Variants in IQGAP2 observed in about 807,000 individuals in gnomAD.
The protein encoded by IQGAP2 is ras GTPase-activating-like protein IQGAP2.
In IQGAP2, 173 loss-of-function variants were observed where a neutral mutation model predicts 201.3. The observed-to-expected ratio is 0.86, with a 90% CI of 0.76 to 0.98. The LOEUF (loss-of-function observed/expected upper bound fraction) is 0.98. IQGAP2 is among the 50% of genes least tolerant of loss of function. IQGAP2 has a pLI of 0.00. For synonymous variants in IQGAP2, 675 were observed against 673.9 expected (o/e 1.00, Z -0.03); for missense variants, 1,687 against 1,864.8 (o/e 0.90, Z 1.76).
intron 21 of IQGAP2, among the ~76,000 whole-genome samples, chr5:76,664,021 G>A (rs1032176476): frequency 6.6e-6 from 1 of 152,142 alleles, no homozygotes; most frequent in African/African-American, 2.4e-5. Flanking sequence ...AATCATTCAT[G>A]TGTTCACTGA....
chr5:76,479,182 C>T (rs1755626353), intron 2 of IQGAP2, among the ~76,000 whole-genome samples: 1 of 152,122 alleles, frequency 6.6e-6, no homozygotes, highest in Non-Finnish European at 1.5e-5. Flanking sequence ...GTAGCTTTCT[C>T]CATGTGTTGT....
chr5:76,534,701 C>A (rs1023936549), intron 2 of IQGAP2, among the ~76,000 whole-genome samples: 9 of 152,166 alleles, frequency 5.9e-5, no homozygotes, highest in African/African-American at 9.7e-5. Flanking sequence ...GCCTGATTAA[C>A]CTGATTTGAA....
Position 76,672,871 on chromosome 5 carries a change from C to G in IQGAP2, c.3069-578C>G, listed in dbSNP as rs899176182. 2.3e-5 allele frequency among the ~76,000 whole-genome samples: 3 copies of G among 132,628 alleles called. No individual in the cohort carries two copies. In the South Asian group the frequency reaches 6.9e-4, roughly 30 times the overall value. The allele number at this position is 132,628 out of a possible 152,430, so 87.0% of individuals were successfully genotyped here. A position where few individuals can be genotyped will look rare whatever the true frequency, so the allele number is the denominator to read the frequency against. Reference sequence around the variant, plus strand: ...TAGGTGGGAATTGAACACATGGACACAGGAAGGGGAACATCACACTCTGGG... The same window carrying G: ...TAGGTGGGAATTGAACACATGGACAGAGGAAGGGGAACATCACACTCTGGG... On this transcript the variant is annotated intron_variant, in intron 24 of 35. Coordinates refer to ENST00000274364, the MANE Select transcript of IQGAP2 (RefSeq NM_006633.5).
At chr5:76,577,676 C>T (rs1305759476) in intron 5 of IQGAP2, among the ~76,000 whole-genome samples, 1 of 152,192 alleles carries the variant, frequency 6.6e-6, no homozygotes, top group Admixed American at 6.5e-5. Flanking sequence ...TGCAGTCAGT[C>T]ACTCAAAGGA....
intron 11 of IQGAP2, among the ~76,000 whole-genome samples, chr5:76,605,080 A>G (rs1342270458): frequency 1.3e-5 from 2 of 152,246 alleles, no homozygotes; most frequent in Non-Finnish European, 2.9e-5. Context: ...CAAAGACATA[A>G]AAGCACACTA....
rs150312521 is a variant in IQGAP2, at chr5:76,618,121, C to T, written c.1521+6938C>T. On this transcript the variant is annotated intron_variant, in intron 13 of 35. Coordinates refer to ENST00000274364, the MANE Select transcript of IQGAP2 (RefSeq NM_006633.5). ...AGGCCCCGGTAGGTGAAAGGATGGA[C>T]GATGGCCAGGTAGCGGTTGATGCTG... 27 of 1,613,978 alleles carry T rather than the reference C, an allele frequency of 1.7e-5. No homozygotes were observed. The African/African-American group carries it at 2.3e-4, about 14-fold the overall frequency.
chr5:76,496,067 C>T (rs530092197), intron 2 of IQGAP2, among the ~76,000 whole-genome samples: 11 of 152,296 alleles, frequency 7.2e-5, no homozygotes, highest in Admixed American at 4.6e-4. Flanking sequence ...CAGCCCTCAG[C>T]GGAGGCATGG....
chr5:76,491,252 T>C (rs1227214973), intron 2 of IQGAP2, among the ~76,000 whole-genome samples: 2 of 152,182 alleles, frequency 1.3e-5, no homozygotes, highest in African/African-American at 4.8e-5. Flanking sequence ...GGGTGTGTTT[T>C]GTTTGCTAAA....
At chr5:76,688,656 T>C (rs1377756511) in intron 30 of IQGAP2, among the ~76,000 whole-genome samples, 1 of 152,062 alleles carries the variant, frequency 6.6e-6, no homozygotes, top group East Asian at 1.9e-4. Context: ...ATGCAAATGT[T>C]CCAAAATCTG....
rs190951549 is a variant in IQGAP2 at position 76,520,191 on chromosome 5, G to T, written c.147-42205G>T. Among the ~76,000 whole-genome samples the T allele has an allele frequency of 4.8e-4, 73 of 151,596 alleles. 2 individuals are homozygous for T. In the East Asian group the frequency reaches 0.013, roughly 27 times the overall value. On this transcript the variant is annotated intron_variant, in intron 2 of 35. Transcript: ENST00000274364. Reference sequence around the variant, plus strand: ...TTACATGTAGGTCTGTAACAATTTCGGGTTAATTTTTATATAAGATGTAAG... The same window carrying T: ...TTACATGTAGGTCTGTAACAATTTCTGGTTAATTTTTATATAAGATGTAAG...
intron 11 of IQGAP2, among the ~76,000 whole-genome samples, chr5:76,602,300 TC>T (rs1479918335): frequency 6.6e-6 from 1 of 152,166 alleles, no homozygotes; most frequent in Non-Finnish European, 1.5e-5. Flanking sequence ...ACCCGGTCAA[TC>T]CCTTATGAAG....
intron 2 of IQGAP2, among the ~76,000 whole-genome samples, chr5:76,499,807 C>T (rs1757176990): frequency 6.6e-6 from 1 of 152,044 alleles, no homozygotes; most frequent in Non-Finnish European, 1.5e-5. Flanking sequence ...TTGTTAATTT[C>T]CTTAAAAAAA....
chr5:76,485,253 T>A (rs1756046666), intron 2 of IQGAP2, among the ~76,000 whole-genome samples: 1 of 152,202 alleles, frequency 6.6e-6, no homozygotes, highest in Non-Finnish European at 1.5e-5. Context: ...TGACCATGCT[T>A]CTTCGGTAAG....
At chr5:76,459,918 C>T (rs566103709) in intron 1 of IQGAP2, among the ~76,000 whole-genome samples, 6 of 152,182 alleles carry the variant, frequency 3.9e-5, no homozygotes, top group African/African-American at 9.6e-5. Context: ...GGATTACAGG[C>T]GTGAGCCACC....
chr5:76,461,884 AC>A, intron 2 of IQGAP2, among the ~76,000 whole-genome samples: 1 of 151,894 alleles, frequency 6.6e-6, no homozygotes. Flanking sequence ...CTAGGGGATG[AC>A]CCCTCCACAC....
chr5:76,514,783 C>T lies in IQGAP2; in HGVS notation c.147-47613C>T, dbSNP rs115132422. 3.9e-3 allele frequency among the ~76,000 whole-genome samples: 589 copies of T among 152,244 alleles called. 3 individuals are homozygous for T. Among genetic ancestry groups the T allele is most frequent in the African/African-American group, 0.014 (562 of 41,554 alleles). On this transcript the variant is annotated intron_variant, in intron 2 of 35. Transcript: ENST00000274364. Reference sequence around the variant, plus strand: ...TCCCCCTCAGTTGGACTGTAGGTTACCTGATGGTTAAGACTAAGACTGTTT... The same window carrying T: ...TCCCCCTCAGTTGGACTGTAGGTTATCTGATGGTTAAGACTAAGACTGTTT...
At chr5:76,608,014 CATTG>C (rs1231203304) in intron 12 of IQGAP2, 2 of 152,198 alleles carry the variant, frequency 1.3e-5, no homozygotes, top group Non-Finnish European at 2.9e-5. Flanking sequence ...GTAGGGTTGA[CATTG>C]ATTAACAGGG....
chr5:76,642,550 T>C (rs1751672908), intron 17 of IQGAP2, among the ~76,000 whole-genome samples: 1 of 152,074 alleles, frequency 6.6e-6, no homozygotes, highest in Non-Finnish European at 1.5e-5. Context: ...AAGTGAATAA[T>C]ACAGTTAATA....
In IQGAP2 at chr5:76,643,587, G is replaced by A. The variant is rs186746964; in HGVS notation, c.2094+2484G>A. On this transcript the variant is annotated intron_variant, in intron 17 of 35. Transcript: ENST00000274364. ...ATCCAATATTGATATTGTTGGTGTG[G>A]CACAGGAAAACATCAGAAAAAAATG... Among the ~76,000 whole-genome samples the A allele has an allele frequency of 1.6e-4, 24 of 152,214 alleles. No homozygotes were observed. The East Asian group carries it at 4.0e-3, about 26-fold the overall frequency.
Sources: allele counts gnomAD v4.1 joint callset (sites outside exome capture counted in the v4.1 genomes callset), GRCh38; gene constraint gnomAD v4.1.1; transcripts MANE v1.5; gene names NCBI Gene and HGNC (gene_info 2026-07-23, HGNC 2026-07-21).